Variants in ZNF765 observed in about 807,000 individuals in gnomAD.
The protein encoded by ZNF765 is zinc finger protein 765.
In ZNF765, 37 loss-of-function variants were observed where a neutral mutation model predicts 44.7. That is an observed-to-expected ratio of 0.83 (90% CI 0.64 to 1.09). The LOEUF is 1.09. Among genes scored for constraint, ZNF765 ranks in the 50% least tolerant of loss-of-function variants. The pLI is 0.00. For synonymous variants in ZNF765, 201 were observed against 213.7 expected, an observed-to-expected ratio of 0.94 and a Z score of 0.52; for missense variants, 594 against 626.1, an observed-to-expected ratio of 0.95 and a Z score of 0.55.
chr19:53,422,303 C>T (rs548673009), intron 3 of ZNF765, among the ~76,000 whole-genome samples: 3 of 152,314 alleles, frequency 2.0e-5, no homozygotes, highest in African/African-American at 7.2e-5. Flanking sequence ...GATCAGTCCC[C>T]ATTCTACCCC....
chr19:53,407,713 GCATGATGAAGGAGTT>G lies in ZNF765; in HGVS notation c.160_174del (p.Met54_Phe58del). On this transcript the variant is annotated inframe_deletion, in exon 4 of 4. Coordinates refer to ENST00000396408, the MANE Select transcript of ZNF765 (RefSeq NM_001040185.3). The stretch of plus-strand genomic sequence containing the variant: ...TACTTTTTAGATATCTCTTCCAAAT[GCATGATGAAGGAGTT>G]CTCGTCAACAGCACAAGGCAATAGA... 2.6e-6 allele frequency: 4 copies of G among 1,551,696 alleles called. No homozygotes were observed. Among genetic ancestry groups the G allele is most frequent in the Non-Finnish European group, 3.5e-6 (4 of 1,151,982 alleles).
At chr19:53,415,544 T>G (rs957174175), downstream of ZNF765, among the ~76,000 whole-genome samples, 6 of 143,534 alleles carry the variant, frequency 4.2e-5, no homozygotes, top group African/African-American at 1.3e-4. Flanking sequence ...TGTTTAAATA[T>G]TTTATTACGT....
intron 1 of ZNF765, among the ~76,000 whole-genome samples, chr19:53,395,905 A>C (rs2085663279): frequency 6.6e-6 from 1 of 152,246 alleles, no homozygotes; most frequent in Admixed American, 6.5e-5. Context: ...AGCAGTAGAA[A>C]ACCTGAGACA....
chr19:53,407,105 G>A (rs1013018369), intron 3 of ZNF765, among the ~76,000 whole-genome samples: 1 of 151,900 alleles, frequency 6.6e-6, no homozygotes, highest in African/African-American at 2.4e-5. Context: ...TTTGCCTCTT[G>A]GGTTCAAACG....
intron 3 of ZNF765, among the ~76,000 whole-genome samples, chr19:53,405,202 A>C (rs569255784): frequency 1.3e-5 from 2 of 152,246 alleles, no homozygotes; most frequent in African/African-American, 4.8e-5. Context: ...AAATACAAAA[A>C]TTAGCTGAGC....
chr19:53,423,322 A>C, exon 4 of ZNF765: 2 of 625,968 alleles, frequency 3.2e-6, no homozygotes, highest in Non-Finnish European at 5.9e-6. Flanking sequence ...GGCACCAGAG[A>C]GTCGCTGACG....
At chr19:53,403,473 A>G (rs1186869190) in intron 3 of ZNF765, among the ~76,000 whole-genome samples, 2 of 151,918 alleles carry the variant, frequency 1.3e-5, no homozygotes, top group African/African-American at 4.8e-5. Flanking sequence ...TTTGTTTATG[A>G]TGGAGTCTTA....
exon 4 of ZNF765, chr19:53,425,996 A>G (rs1337886973): frequency 1.3e-5 from 2 of 152,242 alleles, no homozygotes; most frequent in African/African-American, 4.8e-5. Context: ...TATTTATTAC[A>G]ATCTCTCATC....
rs1026171723 is a variant in ZNF765 at position 53,410,909 on chromosome 19, T to A, written c.*1782T>A. On this transcript the variant is annotated 3_prime_UTR_variant, in exon 4 of 4. Coordinates refer to ENST00000396408, the MANE Select transcript of ZNF765 (RefSeq NM_001040185.3). ...TCACTAGACATCAGAGAATGCATAC[T>A]GGACAGAAATCTTATAAATGTCATC... 6.8e-6 allele frequency: 3 copies of A among 443,522 alleles called. No homozygotes were observed. The highest frequency in any genetic ancestry group is 6.1e-5 in the African/African-American group (3 of 49,164). The allele number at this position is 443,522 out of a possible 1,614,324, so 27.5% of individuals were successfully genotyped here.
chr19:53,418,176 G>A (rs539022813), intron 3 of ZNF765, among the ~76,000 whole-genome samples: 1 of 152,330 alleles, frequency 6.6e-6, no homozygotes, highest in African/African-American at 2.4e-5. Flanking sequence ...GCCAAGGCGG[G>A]AGGATCACGG....
intron 1 of ZNF765, among the ~76,000 whole-genome samples, chr19:53,397,448 A>G (rs1600045247): frequency 6.6e-6 from 1 of 152,324 alleles, no homozygotes; most frequent in East Asian, 1.9e-4. Flanking sequence ...CATGTTGGCC[A>G]GGCTGGTCTC....
At position 53,419,136 on chromosome 19, in the gene ZNF765, G is replaced by A. The variant is rs776054350; in HGVS notation, c.143-3926G>A. On this transcript the variant is annotated intron_variant, in intron 3 of 3. Transcript: ENST00000594030. ...CTTCAATAATAATGATTTTTTTGGT[G>A]TTTAATCCACATGATAATGAAACCT... Among the ~76,000 whole-genome samples the A allele has an allele frequency of 4.5e-4, 68 of 152,024 alleles. 1 individual carries two copies. The highest frequency in any genetic ancestry group is 1.8e-4 in the Non-Finnish European group (12 of 68,002).
chr19:53,426,436 T>C (rs967911492), exon 4 of ZNF765: 9 of 152,002 alleles, frequency 5.9e-5, no homozygotes, highest in African/African-American at 2.2e-4. Flanking sequence ...ATCATGGGGC[T>C]GCGTGATGTG....
downstream of ZNF765, among the ~76,000 whole-genome samples, chr19:53,414,272 T>A (rs1420685925): frequency 8.4e-5 from 11 of 131,412 alleles, no homozygotes; most frequent in East Asian, 2.2e-4. Flanking sequence ...GCAGCAAACA[T>A]GGTATGATAT....
At chr19:53,417,361 T>C (rs11666915) in intron 3 of ZNF765, among the ~76,000 whole-genome samples, 28,040 of 152,130 alleles carry the variant, frequency 0.18, 2,769 homozygotes, top group East Asian at 0.36. Context: ...CTCCCTCTTA[T>C]AAGTGAGAAC....
downstream of ZNF765, among the ~76,000 whole-genome samples, chr19:53,412,895 TAGTC>T (rs1354255537): frequency 6.6e-6 from 1 of 151,878 alleles, no homozygotes; most frequent in African/African-American, 2.4e-5. Flanking sequence ...GCAGAAATAG[TAGTC>T]AGGAGTTCGA....
downstream of ZNF765, among the ~76,000 whole-genome samples, chr19:53,416,028 C>T (rs1258616710): frequency 6.6e-6 from 1 of 152,110 alleles, no homozygotes; most frequent in Non-Finnish European, 1.5e-5. Context: ...CTTCTCTGCT[C>T]ACTGCAACCT....
downstream of ZNF765, among the ~76,000 whole-genome samples, chr19:53,416,780 T>C (rs2085877514): frequency 6.6e-6 from 1 of 151,602 alleles, no homozygotes. Flanking sequence ...TTCTATATTA[T>C]TTGGTATTCA....
intron 3 of ZNF765, among the ~76,000 whole-genome samples, chr19:53,420,818 T>C (rs1048649297): frequency 2.6e-5 from 4 of 152,084 alleles, no homozygotes; most frequent in Admixed American, 6.6e-5. Flanking sequence ...AGGGACACAA[T>C]ACCCTGTGGA....
Sources: gnomAD v4.1 joint callset for allele counts (sites outside exome capture counted in the v4.1 genomes callset) on GRCh38, gnomAD v4.1.1 for gene constraint, MANE v1.5 for transcripts, NCBI Gene and HGNC (gene_info 2026-07-23, HGNC 2026-07-21) for gene names.